Variants in DST observed in about 807,000 individuals in gnomAD.
The protein encoded by DST is dystonin.
DST carries 253 observed loss-of-function variants against 875.2 expected under a neutral mutation model. The observed-to-expected ratio is 0.29, with a 90% CI of 0.26 to 0.32. The LOEUF (loss-of-function observed/expected upper bound fraction) is 0.32, where lower values mean the gene tolerates loss of function less well. Among genes scored for constraint, DST ranks in the 10% least tolerant of loss-of-function variants. DST has a pLI of 1.00. For missense variants in DST, 8,287 were observed against 9,111.6 expected (o/e 0.91, Z 3.68); for synonymous variants, 3,124 against 3,197.1 (o/e 0.98, Z 0.77).
intron 3 of DST, among the ~76,000 whole-genome samples, chr6:56,854,705 A>G (rs1301263894): frequency 6.6e-6 from 1 of 152,208 alleles, no homozygotes; most frequent in African/African-American, 2.4e-5. Flanking sequence ...AAGATTACCA[A>G]AAGTAAAAAG....
chr6:56,779,399 T>C (rs569574908), intron 4 of DST, among the ~76,000 whole-genome samples: 1 of 152,224 alleles, frequency 6.6e-6, no homozygotes, highest in South Asian at 2.1e-4. Context: ...ATAGATCCCA[T>C]TTGTCAATTT....
chr6:56,904,118 C>T (rs1477244393), intron 2 of DST, among the ~76,000 whole-genome samples: 2 of 152,178 alleles, frequency 1.3e-5, no homozygotes, highest in African/African-American at 4.8e-5. Context: ...AGTACAGAAA[C>T]ATTCACTATA....
rs980439707 is a variant in DST at position 56,458,904 on chromosome 6, C to T, written c.*101G>A. 9 of 1,270,460 alleles carry T rather than the reference C, an allele frequency of 7.1e-6. No individual in the cohort carries two copies. The highest frequency in any genetic ancestry group is 6.6e-5 in the South Asian group (3 of 45,428). The allele number at this position is 1,270,460 out of a possible 1,614,324, so 78.7% of individuals were successfully genotyped here. A position where few individuals can be genotyped will look rare whatever the true frequency, so the allele number is the denominator to read the frequency against. On this transcript the variant is annotated 3_prime_UTR_variant, in exon 104 of 104. Transcript: ENST00000680361. ...AAGGCCATCTGCAGAATTTTAAACT[C>T]GCCTCTTGCAATATTTCACAAGAAT... is the stretch of plus-strand genomic sequence containing the variant.
chr6:56,536,740 T>A (rs1312262812), intron 62 of DST, 39 bp downstream of exon 62: 8 of 1,478,438 alleles, frequency 5.4e-6, no homozygotes, highest in African/African-American at 1.4e-5. Context: ...TCATGAATAA[T>A]AATCAGCAAA....
intron 4 of DST, among the ~76,000 whole-genome samples, chr6:56,842,593 C>T (rs944842534): frequency 6.6e-5 from 10 of 151,972 alleles, no homozygotes; most frequent in African/African-American, 2.2e-4. Flanking sequence ...AGTATATAGT[C>T]ACAAACTTTA....
chr6:56,572,254 C>T lies in DST; in HGVS notation c.13567G>A (p.Glu4523Lys). 6.4e-7 allele frequency: 1 copy of T among 1,559,662 alleles called. No homozygotes were observed. Among genetic ancestry groups the T allele is most frequent in the Non-Finnish European group, 8.7e-7 (1 of 1,152,182 alleles). ...LSQYMQESTS[E>K]FLEHKKHLEV... is the part of the protein sequence containing the mutation. Reference sequence around the variant, plus strand: ...AGATGTTTCTTGTGTTCTAAAAATTCAGAAGTTGATTCCTACAAAGCATTA... The same window carrying T: ...AGATGTTTCTTGTGTTCTAAAAATTTAGAAGTTGATTCCTACAAAGCATTA... Residue 4523 changes from glutamate (E) to lysine (K), a missense_variant, in exon 53 of 104, where the codon GAA (glutamate) becomes AAA (lysine). Physicochemically the swap from Glu to Lys is moderately conservative, Grantham distance 56. Around this residue, in one of 10 missense-constraint regions of DST, gnomAD observed 1,513 missense variants for 1,677.8 expected, o/e 0.90. Transcript: ENST00000680361.
rs757749209 is a variant in DST at position 56,604,083 on chromosome 6, T to C, written c.10545A>G (p.Ala3515=). 2.5e-6 allele frequency: 4 copies of C among 1,580,462 alleles called. No homozygotes were observed. In the South Asian group the frequency reaches 3.4e-5, roughly 14 times the overall value. ...IEHVGDFNQK[A]CSTSEMMEEK... is the part of the protein sequence containing the mutation. ...CTTCCATCATCTCAGATGTAGAACATGCTTTTTGATTAAAGTCTCCAACAT... is the reference window on the plus strand; with the variant it reads ...CTTCCATCATCTCAGATGTAGAACACGCTTTTTGATTAAAGTCTCCAACAT... The change falls in exon 40 of 104, where the codon GCA becomes GCG. Residue 3515 remains alanine, a synonymous_variant. Coordinates refer to ENST00000680361, the MANE Select transcript of DST (RefSeq NM_001374736.1).
intron 5 of DST, among the ~76,000 whole-genome samples, chr6:56,716,230 C>CA (rs2099394124): frequency 6.6e-6 from 1 of 152,164 alleles, no homozygotes; most frequent in African/African-American, 2.4e-5. Flanking sequence ...TGGAACAGAA[C>CA]AGAGAGTCCA....
rs1470313977 is a variant in DST at position 56,459,096 on chromosome 6, C to T, written c.23366G>A (p.Gly7789Asp). The change falls in exon 104 of 104, where the codon GGT becomes GAT. Residue 7789 changes from glycine (G) to aspartate (D), a missense_variant. By Grantham distance (94) the Gly-to-Asp change is moderately conservative. Around this residue, in one of 10 missense-constraint regions of DST, gnomAD observed 240 missense variants for 237.3 expected, o/e 1.01. Transcript: ENST00000680361. ...AGGCTTCGCTGTGGATGGCCGAGAA[C>T]CTGCTCGGGGTGTAGGTCTGTGTGT... ...PQTHRPTPRA[G>D]SRPSTAKPSK... 2.5e-6 allele frequency: 4 copies of T among 1,614,008 alleles called. No homozygotes were observed. The highest frequency in any genetic ancestry group is 1.1e-5 in the South Asian group (1 of 91,082).
intron 2 of DST, among the ~76,000 whole-genome samples, chr6:56,901,875 A>G (rs1440821188): frequency 6.6e-6 from 1 of 152,222 alleles, no homozygotes; most frequent in Non-Finnish European, 1.5e-5. Flanking sequence ...CTTGGTCCTC[A>G]TGGCTTACAA....
At chr6:56,619,475 A>C (rs1012685527) in intron 36 of DST, 2 of 1,612,110 alleles carry the variant, frequency 1.2e-6, no homozygotes, top group African/African-American at 1.3e-5. Context: ...GCAGATTTGT[A>C]GTCTTTCTAA....
intron 9 of DST, among the ~76,000 whole-genome samples, chr6:56,696,900 T>G (rs1015208174): frequency 1.3e-5 from 2 of 152,190 alleles, no homozygotes; most frequent in Non-Finnish European, 2.9e-5. Flanking sequence ...TCCTTAGTGC[T>G]CCATCTCTTC....
chr6:56,734,887 A>G (rs2152929293), intron 5 of DST, among the ~76,000 whole-genome samples: 1 of 152,322 alleles, frequency 6.6e-6, no homozygotes, highest in East Asian at 1.9e-4. Context: ...TTGAGAGAGA[A>G]AAAAAATCTT....
At chr6:56,482,654 C>T (rs762421283) in intron 89 of DST, 29 bp downstream of exon 89, 3 of 1,594,192 alleles carry the variant, frequency 1.9e-6, no homozygotes, top group Admixed American at 3.4e-5. Context: ...TTTCCCATTA[C>T]ACCCAGCTCT....
At position 56,608,742 on chromosome 6, in the gene DST, T is replaced by C. The variant is rs746369317; in HGVS notation, c.5886A>G (p.Lys1962=). The part of the protein sequence containing the change: ...RPQEGGRITL[K]CGRNISILRA... ...TTAAAATGCTTATGTTTCTTCCACA[T>C]TTTAATGTTATTCTACCTCCTTCTT... Residue 1962 remains lysine, a synonymous_variant, in exon 40 of 104, where the codon AAA becomes AAG. Transcript: ENST00000680361. 2 of 1,610,198 alleles carry C rather than the reference T, an allele frequency of 1.2e-6. No homozygotes were observed. The highest frequency in any genetic ancestry group is 3.4e-5 in the Admixed American group (2 of 59,376).
chr6:56,795,599 C>G (rs1014334166), intron 4 of DST, among the ~76,000 whole-genome samples: 9 of 152,090 alleles, frequency 5.9e-5, no homozygotes, highest in African/African-American at 2.2e-4. Context: ...ACCTAGGGAG[C>G]TTTTCAGAAA....
intron 10 of DST, among the ~76,000 whole-genome samples, chr6:56,669,611 G>C (rs572687831): frequency 2.1e-5 from 3 of 142,882 alleles, no homozygotes; most frequent in Admixed American, 2.1e-4. Context: ...AAAAAAAAAA[G>C]AAAAAGTAGT....
At chr6:56,733,669 A>G (rs1202067284) in intron 5 of DST, among the ~76,000 whole-genome samples, 2 of 152,222 alleles carry the variant, frequency 1.3e-5, no homozygotes, top group Non-Finnish European at 2.9e-5. Flanking sequence ...TTTGGTGTAC[A>G]TGTCACAGAC....
intron 43 of DST, among the ~76,000 whole-genome samples, 171 bp downstream of exon 43, chr6:56,602,711 A>C (rs181603631): frequency 2.0e-4 from 30 of 152,108 alleles, no homozygotes; most frequent in African/African-American, 6.3e-4. Context: ...TGATACCCTT[A>C]AAGTTGTGAT....
Sources: allele counts gnomAD v4.1 joint callset (sites outside exome capture counted in the v4.1 genomes callset), GRCh38; gene constraint gnomAD v4.1.1; regional missense constraint gnomAD v4.1.1; transcripts MANE v1.5; gene names NCBI Gene and HGNC (gene_info 2026-07-23, HGNC 2026-07-21).